LNPEP: variants seen among roughly 807,000 people sequenced by gnomAD.
LNPEP encodes leucyl and cystinyl aminopeptidase.
Under a neutral mutation model 120.6 loss-of-function variants are expected in LNPEP, and 64 were observed. That is an observed-to-expected ratio of 0.53 (90% CI 0.43 to 0.65). The LOEUF (loss-of-function observed/expected upper bound fraction) is 0.65. Ranked by LOEUF, LNPEP falls within the 30% of genes least tolerant of loss-of-function variation. The pLI, the probability that LNPEP is intolerant of heterozygous loss-of-function variation, is 0.00. For missense variants in LNPEP, 1,057 were observed against 1,200.0 expected (o/e 0.88, Z 1.76); for synonymous variants, 435 against 425.4 (o/e 1.02, Z -0.28).
chr5:97,008,166 G>T (rs1043964275), intron 11 of LNPEP, among the ~76,000 whole-genome samples: 2 of 152,028 alleles, frequency 1.3e-5, no homozygotes, highest in South Asian at 4.1e-4. Flanking sequence ...ATATCCTGAA[G>T]CACAGCTAAA....
chr5:96,943,220 G>A, intron 1 of LNPEP: 2 of 205,350 alleles, frequency 9.7e-6, no homozygotes, highest in South Asian at 1.2e-4. Flanking sequence ...ATTACCAGTT[G>A]TTTAAAAAAA....
chr5:96,988,125 C>G (rs1453947060), intron 4 of LNPEP, among the ~76,000 whole-genome samples: 1 of 151,332 alleles, frequency 6.6e-6, no homozygotes, highest in Non-Finnish European at 1.5e-5. Flanking sequence ...CATTTTCCCC[C>G]CTTCTTTTCT....
chr5:97,006,219 G>A lies in LNPEP; in HGVS notation c.1932G>A (p.Gln644=), dbSNP rs565727941. The change falls in exon 10 of 18, where the codon CAG becomes CAA. Residue 644 remains glutamine (Q), a synonymous_variant. Coordinates refer to ENST00000231368, the MANE Select transcript of LNPEP (RefSeq NM_005575.3). The part of the protein sequence containing the change: ...RFFLNMKPEI[Q]PSDTSYLWHI... Reference sequence around the variant, plus strand: ...TTTTAAATATGAAGCCTGAAATTCAGCCTTCAGATACAAGGTACATGCCCT... The same window carrying A: ...TTTTAAATATGAAGCCTGAAATTCAACCTTCAGATACAAGGTACATGCCCT... 6.2e-7 allele frequency: 1 copy of A among 1,603,028 alleles called. No individual in the cohort carries two copies. Among genetic ancestry groups the A allele is most frequent in the South Asian group, 1.1e-5 (1 of 88,694 alleles).
chr5:96,948,298 A>G (rs1789239897), intron 1 of LNPEP, among the ~76,000 whole-genome samples: 1 of 151,970 alleles, frequency 6.6e-6, no homozygotes, highest in Non-Finnish European at 1.5e-5. Flanking sequence ...TTATATTTTT[A>G]GTGGAGACAG....
intron 15 of LNPEP, among the ~76,000 whole-genome samples, chr5:97,025,140 A>AGTAGGAGTGTCATATGGATGAAGGTAGG (rs1451902155): frequency 6.6e-6 from 1 of 152,220 alleles, no homozygotes; most frequent in Non-Finnish European, 1.5e-5. Flanking sequence ...AAGGCCCAGA[A>AGTAGGAGTGTCATATGGATGAAGGTAGG]GTAGGAGTGT....
Position 97,006,192 on chromosome 5 carries a change from C to G in LNPEP, c.1905C>G (p.Phe635Leu). Reference sequence around the variant, plus strand: ...AACTTTTTATACAACAAGAGAGATTCTTTTTAAATATGAAGCCTGAAATTC... The same window carrying G: ...AACTTTTTATACAACAAGAGAGATTGTTTTTAAATATGAAGCCTGAAATTC... ...GKELFIQQER[F>L]FLNMKPEIQP... The change falls in exon 10 of 18, where the codon TTC (phenylalanine) becomes TTG (leucine). Residue 635 changes from phenylalanine to leucine, a missense_variant. Physicochemically the swap from Phe to Leu is conservative, Grantham distance 22. Transcript: ENST00000231368. 1.2e-6 allele frequency: 2 copies of G among 1,604,242 alleles called. No individual in the cohort carries two copies. Among genetic ancestry groups the G allele is most frequent in the East Asian group, 2.2e-5 (1 of 44,564 alleles).
intron 2 of LNPEP, 34 bp downstream of exon 2, chr5:96,980,012 G>C (rs557283590): frequency 6.5e-7 from 1 of 1,539,842 alleles, no homozygotes; most frequent in African/African-American, 1.4e-5. Flanking sequence ...CTGGTTTTAC[G>C]CTCTGATAAC....
At chr5:96,969,441 G>C (rs2112592136) in intron 1 of LNPEP, among the ~76,000 whole-genome samples, 1 of 152,126 alleles carries the variant, frequency 6.6e-6, no homozygotes, top group South Asian at 2.1e-4. Flanking sequence ...AAATAATTTT[G>C]TGTTTGCCAG....
In LNPEP at chr5:96,979,479, G is replaced by A; in HGVS notation, c.361G>A (p.Ala121Thr). The A allele has an allele frequency of 5.0e-6, 8 of 1,614,098 alleles. No homozygotes were observed. Among genetic ancestry groups the A allele is most frequent in the Non-Finnish European group, 5.9e-6 (7 of 1,179,966 alleles). The change falls in exon 2 of 18, where the codon GCT becomes ACT. Residue 121 changes from alanine to threonine, a missense_variant. Physicochemically the swap from Ala to Thr is moderately conservative, Grantham distance 58. Transcript: ENST00000231368. ...MVVCAFVIVV[A>T]VSVIMVIYLL... ...GGTCTGTGCTTTTGTCATCGTGGTTGCTGTTTCTGTAATCATGGTGATTTA... is the reference window on the plus strand; with the variant it reads ...GGTCTGTGCTTTTGTCATCGTGGTTACTGTTTCTGTAATCATGGTGATTTA...
rs781727347 is a variant in LNPEP at position 97,008,337 on chromosome 5, G to GTTTTTTTTTTTTTTTTTTTTTTTTTTT, written c.2035+1827_2035+1853dup. ...TTGATTTTTTTGTTTGTTTTTTCTTGTTTTTTTTTTTTTTTTTTTTTTTTT... is the reference window on the plus strand; with the variant it reads ...TTGATTTTTTTGTTTGTTTTTTCTTGTTTTTTTTTTTTTTTTTTTTTTTTTTTTTTTTTTTTTTTTTTTTTTTTTTTT... On this transcript the variant is annotated intron_variant, in intron 11 of 17. Transcript: ENST00000231368. 3.1e-3 allele frequency among the ~76,000 whole-genome samples: 185 copies of GTTTTTTTTTTTTTTTTTTTTTTTTTTT among 59,844 alleles called. 30 individuals carry two copies. The highest frequency in any genetic ancestry group is 4.1e-3 in the Non-Finnish European group (143 of 34,904). 39.3% of individuals were successfully genotyped at this position (59,844 alleles called of 152,430 possible).
In LNPEP at chr5:96,994,014, C is replaced by T. The variant is rs151234313; in HGVS notation, c.1407+43C>T. ...TGTTCTGTGTCACACCTGTGGTCTA[C>T]TTCATGTCCTGGAGTTATTGTTAGC... On this transcript the variant is annotated intron_variant, in intron 6 of 17. Coordinates refer to ENST00000231368, the MANE Select transcript of LNPEP (RefSeq NM_005575.3). 1.9e-5 allele frequency: 30 copies of T among 1,553,776 alleles called. No homozygotes were observed. In the African/African-American group the frequency reaches 3.3e-4, roughly 17 times the overall value.
At chr5:96,995,040 A>C (rs1790479057) in intron 6 of LNPEP, among the ~76,000 whole-genome samples, 1 of 152,140 alleles carries the variant, frequency 6.6e-6, no homozygotes, top group African/African-American at 2.4e-5. Flanking sequence ...CCCAGGAGGC[A>C]GATGTTGCAG....
chr5:96,942,577 C>T (rs1429316410), intron 1 of LNPEP, among the ~76,000 whole-genome samples: 1 of 151,478 alleles, frequency 6.6e-6, no homozygotes, highest in Admixed American at 6.6e-5. Context: ...TCACTTGGAC[C>T]CAGGAGGCGG....
At chr5:96,985,439 T>C (rs1790218189) in intron 3 of LNPEP, among the ~76,000 whole-genome samples, 1 of 152,186 alleles carries the variant, frequency 6.6e-6, no homozygotes. Flanking sequence ...GGACTTGGAA[T>C]GTGTGGATAG....
Position 96,979,724 on chromosome 5 carries a change from G to T in LNPEP, c.606G>T (p.Gln202His). Residue 202 changes from glutamine (Q) to histidine (H), a missense_variant, in exon 2 of 18, where the codon CAG becomes CAT. Gln to His is a conservative substitution (Grantham distance 24, BLOSUM62 0). Transcript: ENST00000231368. ...TGACAATTTCAGTTCAGGCTCTTCA[G>T]GTCACATGGAATATCATTCTTCATA... Reference protein sequence around the residue: ...GSVTISVQALQVTWNIILHST... With the variant: ...GSVTISVQALHVTWNIILHST... The T allele has an allele frequency of 6.2e-7, 1 of 1,614,018 alleles. No individual in the cohort carries two copies. Among genetic ancestry groups the T allele is most frequent in the East Asian group, 2.2e-5 (1 of 44,876 alleles).
At chr5:97,010,035 A>G (rs27711) in intron 11 of LNPEP, among the ~76,000 whole-genome samples, 95,094 of 151,946 alleles carry the variant, frequency 0.63, 29,910 homozygotes, top group South Asian at 0.73. Context: ...GTTGTATATA[A>G]GAGTTATGTT....
chr5:96,957,593 A>G (rs1213304981), intron 1 of LNPEP, among the ~76,000 whole-genome samples: 1 of 152,148 alleles, frequency 6.6e-6, no homozygotes, highest in Non-Finnish European at 1.5e-5. Context: ...AGTGTGAGAA[A>G]GATTCAGCCT....
At chr5:96,978,070 G>T (rs2112604410) in intron 1 of LNPEP, among the ~76,000 whole-genome samples, 1 of 152,252 alleles carries the variant, frequency 6.6e-6, no homozygotes, top group South Asian at 2.1e-4. Flanking sequence ...GGTTAGAAAT[G>T]ATAGGTATAA....
At chr5:96,943,081 C>A in intron 1 of LNPEP, 1 of 306,678 alleles carries the variant, frequency 3.3e-6, no homozygotes, top group South Asian at 6.1e-5. Flanking sequence ...AGATGAGAAT[C>A]CATAAGTGAC....
Sources: allele counts gnomAD v4.1 joint callset (sites outside exome capture counted in the v4.1 genomes callset), GRCh38; gene constraint gnomAD v4.1.1; transcripts MANE v1.5; gene names NCBI Gene and HGNC (gene_info 2026-07-23, HGNC 2026-07-21).